EPB41L3: variants seen among roughly 807,000 people sequenced by gnomAD.
EPB41L3 encodes erythrocyte membrane protein band 4.1 like 3.
A neutral mutation model predicts 127.1 loss-of-function variants in EPB41L3; 57 were observed. The observed-to-expected ratio is 0.45, with a 90% CI of 0.36 to 0.56. EPB41L3 has a LOEUF of 0.56. Ranked by LOEUF, EPB41L3 falls within the 20% of genes least tolerant of loss-of-function variation. The pLI, the probability that EPB41L3 is intolerant of heterozygous loss-of-function variation, is 0.00. For synonymous variants in EPB41L3, 572 were observed against 549.5 expected (o/e 1.04, Z -0.57); for missense variants, 1,273 against 1,372.2 (o/e 0.93, Z 1.14).
chr18:5,421,053 A>C (rs2077409579), intron 11 of EPB41L3, among the ~76,000 whole-genome samples: 1 of 152,200 alleles, frequency 6.6e-6, no homozygotes, highest in Admixed American at 6.5e-5. Flanking sequence ...TGCAACATGC[A>C]GCTGTGCCAC....
intron 13 of EPB41L3, among the ~76,000 whole-genome samples, chr18:5,413,667 C>A (rs2076461286): frequency 6.6e-6 from 1 of 152,090 alleles, no homozygotes; most frequent in Non-Finnish European, 1.5e-5. Flanking sequence ...CTAGCTCAGC[C>A]TGAACTAGAA....
chr18:5,434,137 A>C lies in EPB41L3; in HGVS notation c.606-16T>G. 7 of 1,608,794 alleles carry C rather than the reference A, an allele frequency of 4.4e-6. No homozygotes were observed. The South Asian group carries it at 7.7e-5, about 18-fold the overall frequency. On this transcript the variant is annotated splice_polypyrimidine_tract_variant and intron_variant, in intron 6 of 22. Transcript: ENST00000341928. ...GAGGTAGTACCTTCCAGGAACCAAA[A>C]GCACAACACAACGAAGGCAGCATGA...
intron 3 of EPB41L3, among the ~76,000 whole-genome samples, chr18:5,579,849 C>G (rs955932185): frequency 1.3e-5 from 2 of 152,206 alleles, no homozygotes; most frequent in African/African-American, 4.8e-5. Flanking sequence ...ACTCTCTCAG[C>G]CTCAATTACC....
At chr18:5,606,877 C>T (rs1173691042) in intron 3 of EPB41L3, among the ~76,000 whole-genome samples, 2 of 141,370 alleles carry the variant, frequency 1.4e-5, no homozygotes, top group Non-Finnish European at 3.0e-5. Flanking sequence ...CCCACCATGG[C>T]GTCATTCTCT....
intron 16 of EPB41L3, chr18:5,401,070 G>A (rs1228228898): frequency 1.7e-5 from 25 of 1,465,448 alleles, no homozygotes; most frequent in Non-Finnish European, 2.3e-5. Context: ...GGTTGGGTTG[G>A]AGAAGAGGAA....
Position 5,395,629 on chromosome 18 carries a change from T to C in EPB41L3, c.3052A>G (p.Thr1018Ala). 1.2e-6 allele frequency: 2 copies of C among 1,614,102 alleles called. No homozygotes were observed. The highest frequency in any genetic ancestry group is 1.7e-6 in the Non-Finnish European group (2 of 1,179,978). The change falls in exon 20 of 23, where the codon ACC becomes GCC. Residue 1018 changes from threonine (T) to alanine (A), a missense_variant. Around this residue, in one of 3 missense-constraint regions of EPB41L3, gnomAD observed 765 missense variants for 782.9 expected, o/e 0.98. Transcript: ENST00000341928. Reference protein sequence around the residue: ...TITSETTSTTTTTHITKTVKG... With the variant: ...TITSETTSTTATTHITKTVKG... ...CTTACTTTGGTGATGTGCGTAGTGG[T>C]GGTGGTACTGGTGGTTTCAGATGTG... is the stretch of plus-strand genomic sequence containing the variant.
chr18:5,488,469 T>A (rs1309153905), intron 2 of EPB41L3, among the ~76,000 whole-genome samples: 3 of 151,910 alleles, frequency 2.0e-5, no homozygotes, highest in African/African-American at 4.8e-5. Context: ...ATGTAGATGA[T>A]GGATTGATGG....
Position 5,407,616 on chromosome 18 carries a change from GA to G in EPB41L3, c.2157+84del, listed in dbSNP as rs2068723145. The G allele has an allele frequency of 3.5e-6, 5 of 1,423,562 alleles. No individual in the cohort carries two copies. In the South Asian group the frequency reaches 6.0e-5, roughly 17 times the overall value. The allele number at this position is 1,423,562 out of a possible 1,614,324, so 88.2% of individuals were successfully genotyped here. On this transcript the variant is annotated intron_variant, in intron 15 of 22. Transcript: ENST00000341928. The stretch of plus-strand genomic sequence containing the variant: ...TAACCAGCTACAGAGCATGCTGAAA[GA>G]TCTGAACGCTGTAGACAAACAATGA...
At chr18:5,512,444 G>A (rs1456074097) in intron 1 of EPB41L3, among the ~76,000 whole-genome samples, 1 of 152,026 alleles carries the variant, frequency 6.6e-6, no homozygotes, top group East Asian at 1.9e-4. Context: ...AAGACAGGAG[G>A]CTCAAGAGGT....
chr18:5,399,361 C>G, intron 16 of EPB41L3: 1 of 398,892 alleles, frequency 2.5e-6, no homozygotes, highest in Non-Finnish European at 4.4e-6. Context: ...GGTATTCTGT[C>G]TACAATAACC....
At chr18:5,544,758 C>T (rs7229362), upstream of EPB41L3, among the ~76,000 whole-genome samples, 6,648 of 152,038 alleles carry the variant, frequency 0.044, 445 homozygotes, top group African/African-American at 0.14. Context: ...TGACTATAGT[C>T]AAAATAATTT....
At chr18:5,471,906 T>G (rs2086213410) in intron 3 of EPB41L3, among the ~76,000 whole-genome samples, 1 of 152,172 alleles carries the variant, frequency 6.6e-6, no homozygotes, top group African/African-American at 2.4e-5. Flanking sequence ...GCAAAAAGAA[T>G]GCCTTAGTGG....
In EPB41L3 at chr18:5,497,727, T is replaced by C. The variant is rs576925734; in HGVS notation, c.-11-8533A>G. ...ATCATCCAGTTCAGGTGAAAAGTAATGCCTGCCTTCATTTATAATGGATAT... is the reference window on the plus strand; with the variant it reads ...ATCATCCAGTTCAGGTGAAAAGTAACGCCTGCCTTCATTTATAATGGATAT... On this transcript the variant is annotated intron_variant, in intron 1 of 22. Coordinates refer to ENST00000341928, the MANE Select transcript of EPB41L3 (RefSeq NM_012307.5). 7.9e-5 allele frequency among the ~76,000 whole-genome samples: 12 copies of C among 152,314 alleles called. No homozygotes were observed. In the South Asian group the frequency reaches 2.5e-3, roughly 32 times the overall value.
intron 1 of EPB41L3, among the ~76,000 whole-genome samples, chr18:5,489,584 C>T (rs899475632): frequency 3.3e-5 from 5 of 152,194 alleles, no homozygotes; most frequent in South Asian, 2.1e-4. Context: ...GATTTAATAA[C>T]GGAAGCAGAC....
chr18:5,412,823 T>C (rs1157824006), intron 13 of EPB41L3, among the ~76,000 whole-genome samples: 3 of 148,648 alleles, frequency 2.0e-5, no homozygotes, highest in Non-Finnish European at 4.4e-5. Flanking sequence ...CTGTATTGGG[T>C]AATGGATAGT....
chr18:5,599,453 T>G (rs552015297), intron 3 of EPB41L3, among the ~76,000 whole-genome samples: 33 of 152,178 alleles, frequency 2.2e-4, no homozygotes, highest in Non-Finnish European at 4.3e-4. Flanking sequence ...TGATATGGTT[T>G]AGATCTGTGT....
intron 13 of EPB41L3, among the ~76,000 whole-genome samples, chr18:5,412,427 T>C (rs1987744): frequency 0.034 from 5,144 of 152,204 alleles, 124 homozygotes; most frequent in South Asian, 0.072. Flanking sequence ...GGTTTCACCA[T>C]GTTGGCCAGG....
intron 1 of EPB41L3, among the ~76,000 whole-genome samples, chr18:5,527,958 C>G (rs934333928): frequency 6.6e-6 from 1 of 152,026 alleles, no homozygotes; most frequent in Non-Finnish European, 1.5e-5. Context: ...CAACAAAAAG[C>G]TACAGAAGGA....
intron 3 of EPB41L3, among the ~76,000 whole-genome samples, chr18:5,551,782 G>T (rs1244868764): frequency 1.3e-5 from 2 of 152,096 alleles, no homozygotes; most frequent in Non-Finnish European, 2.9e-5. Flanking sequence ...GGTACATGTG[G>T]ACTTATACAA....
Sources: gnomAD v4.1 joint callset for allele counts (sites outside exome capture counted in the v4.1 genomes callset) on GRCh38, gnomAD v4.1.1 for gene constraint, gnomAD v4.1.1 regional missense constraint, MANE v1.5 for transcripts, NCBI Gene and HGNC (gene_info 2026-07-23, HGNC 2026-07-21) for gene names.